The following PIAS1 variants were observed in gnomAD, a reference collection of about 807,000 sequenced individuals.
The protein encoded by PIAS1 is protein inhibitor of activated STAT 1, also known as E3 SUMO-protein ligase PIAS1.
PIAS1 carries 6 observed loss-of-function variants against 71.3 expected under a neutral mutation model. The ratio of observed to expected loss-of-function variants is 0.08; its 90% confidence interval spans 0.05 to 0.17. PIAS1 has a LOEUF of 0.17. PIAS1 is among the 10% of genes least tolerant of loss of function. The pLI is 1.00. For synonymous variants in PIAS1, 303 were observed against 292.9 expected (o/e 1.03, Z -0.35); for missense variants, 555 against 793.6 (o/e 0.70, Z 3.61).
chr15:68,135,192 G>A (rs1390980162), intron 2 of PIAS1, among the ~76,000 whole-genome samples: 1 of 45,928 alleles, frequency 2.2e-5, no homozygotes, highest in African/African-American at 4.7e-5. Flanking sequence ...CGGGCGGGGG[G>A]CTGACCCCCC....
intron 1 of PIAS1, among the ~76,000 whole-genome samples, chr15:68,069,803 CAAAAAAA>C (rs56693841): frequency 2.0e-5 from 2 of 101,468 alleles, no homozygotes; most frequent in Non-Finnish European, 4.0e-5. Flanking sequence ...GACTCCGTCT[CAAAAAAA>C]AAAAAAAAAA....
intron 11 of PIAS1, among the ~76,000 whole-genome samples, chr15:68,180,257 C>T (rs1456245129): frequency 6.6e-6 from 1 of 151,998 alleles, no homozygotes; most frequent in Non-Finnish European, 1.5e-5. Flanking sequence ...TGCCACCAGG[C>T]CTGGCTAAGC....
At chr15:68,142,111 T>G in intron 3 of PIAS1, 81 bp downstream of exon 3, 3 of 1,026,986 alleles carry the variant, frequency 2.9e-6, no homozygotes, top group Non-Finnish European at 4.5e-6. Flanking sequence ...AAACAGTGAT[T>G]GGTGAGTTAG....
chr15:68,121,558 T>G lies in PIAS1; in HGVS notation c.470-20388T>G, dbSNP rs567931427. Reference sequence around the variant, plus strand: ...TTCTCTCTTCTCTTGCTTTTTCTTCTGTATTTCTGGCCACCTCTTATCTTA... The same window carrying G: ...TTCTCTCTTCTCTTGCTTTTTCTTCGGTATTTCTGGCCACCTCTTATCTTA... On this transcript the variant is annotated intron_variant, in intron 2 of 13. Coordinates refer to ENST00000249636, the MANE Select transcript of PIAS1 (RefSeq NM_016166.3). Among the ~76,000 whole-genome samples, 283 of 152,240 alleles carry G rather than the reference T, an allele frequency of 1.9e-3. 2 individuals carry two copies. Among genetic ancestry groups the G allele is most frequent in the African/African-American group, 6.6e-3 (276 of 41,542 alleles).
chr15:68,183,523 T>G (rs980061482), intron 12 of PIAS1, 107 bp from the exon 13 acceptor site: 1 of 594,510 alleles, frequency 1.7e-6, no homozygotes, highest in Non-Finnish European at 3.1e-6. Context: ...AATAAAATTC[T>G]GAGTGACATA....
Position 68,173,262 on chromosome 15 carries a change from G to A in PIAS1, c.1009-470G>A, listed in dbSNP as rs142169935. ...CCCAGCTACTCTGGAGGCTGAGGCA[G>A]GAGGATTGCTTGAGCCCAGGAGTTT... On this transcript the variant is annotated intron_variant, in intron 8 of 13. Transcript: ENST00000249636. The surrounding 1 kb of genome is among the most constrained non-coding windows in gnomAD (Gnocchi z 4.3). Among the ~76,000 whole-genome samples the A allele has an allele frequency of 6.6e-6, 1 of 152,204 alleles. No individual in the cohort carries two copies. The highest frequency in any genetic ancestry group is 2.4e-5 in the African/African-American group (1 of 41,534).
chr15:68,069,173 C>T lies in PIAS1; in HGVS notation c.24+14823C>T, dbSNP rs549626407. Among the ~76,000 whole-genome samples, 5 of 152,158 alleles carry T rather than the reference C, an allele frequency of 3.3e-5. No individual in the cohort carries two copies. The South Asian group carries it at 8.3e-4, about 25-fold the overall frequency. Reference sequence around the variant, plus strand: ...CCTCCCAAAGTGCTGGGATTACAGGCGTGAGCCACCGCACCCGGCCTTGTC... The same window carrying T: ...CCTCCCAAAGTGCTGGGATTACAGGTGTGAGCCACCGCACCCGGCCTTGTC... On this transcript the variant is annotated intron_variant, in intron 1 of 13. Coordinates refer to ENST00000249636, the MANE Select transcript of PIAS1 (RefSeq NM_016166.3).
intron 7 of PIAS1, among the ~76,000 whole-genome samples, chr15:68,160,961 A>T (rs2092920222): frequency 6.6e-6 from 1 of 152,190 alleles, no homozygotes; most frequent in African/African-American, 2.4e-5. Flanking sequence ...AAGACAAGGA[A>T]AAGTTTTAAA....
At position 68,095,460 on chromosome 15, in the gene PIAS1, T is replaced by C. The variant is rs148994407; in HGVS notation, c.469+8710T>C. On this transcript the variant is annotated intron_variant, in intron 2 of 13. Coordinates refer to ENST00000249636, the MANE Select transcript of PIAS1 (RefSeq NM_016166.3). ...TCTAATTTTGGCGATCATTTCTTTCTTTCTTTTAAAAAAAAGACGTTTTGT... is the reference window on the plus strand; with the variant it reads ...TCTAATTTTGGCGATCATTTCTTTCCTTCTTTTAAAAAAAAGACGTTTTGT... 3.1e-4 allele frequency among the ~76,000 whole-genome samples: 47 copies of C among 152,192 alleles called. 2 individuals are homozygous for C. The highest frequency in any genetic ancestry group is 2.5e-3 in the Admixed American group (38 of 15,286).
intron 2 of PIAS1, among the ~76,000 whole-genome samples, chr15:68,141,273 G>T (rs1270449661): frequency 6.6e-6 from 1 of 152,110 alleles, no homozygotes; most frequent in East Asian, 1.9e-4. Flanking sequence ...CCCTGGTCTA[G>T]TCTGACTGTG....
chr15:68,183,602 T>A lies in PIAS1; in HGVS notation c.1625-28T>A, dbSNP rs2093069735. ...GAAGAGTTTTTCCTTCTTTTTTTTTTAAACTGAAATAATTTTTTCTTCCAC... is the reference window on the plus strand; with the variant it reads ...GAAGAGTTTTTCCTTCTTTTTTTTTAAAACTGAAATAATTTTTTCTTCCAC... On this transcript the variant is annotated intron_variant, in intron 12 of 13. Transcript: ENST00000249636. 4.2e-6 allele frequency: 4 copies of A among 948,188 alleles called. No individual in the cohort carries two copies. The highest frequency in any genetic ancestry group is 4.9e-6 in the Non-Finnish European group (3 of 616,108). The allele number at this position is 948,188 out of a possible 1,614,324, so 58.7% of individuals were successfully genotyped here.
chr15:68,150,720 T>G (rs1386798845), intron 6 of PIAS1, among the ~76,000 whole-genome samples: 1 of 152,208 alleles, frequency 6.6e-6, no homozygotes, highest in Non-Finnish European at 1.5e-5. Context: ...GTAGGTTGAG[T>G]ATTCCTAATC....
intron 1 of PIAS1, among the ~76,000 whole-genome samples, chr15:68,062,727 G>T (rs1295338470): frequency 6.6e-6 from 1 of 152,176 alleles, no homozygotes; most frequent in East Asian, 1.9e-4. Context: ...GTGTGTGTAT[G>T]TCTAGATGAG....
chr15:68,103,207 G>A (rs528662115), intron 2 of PIAS1, among the ~76,000 whole-genome samples: 1 of 152,212 alleles, frequency 6.6e-6, no homozygotes, highest in African/African-American at 2.4e-5. Flanking sequence ...GATTACAGGT[G>A]TGAGCCACTC....
At chr15:68,075,691 T>A (rs2092155332) in intron 1 of PIAS1, among the ~76,000 whole-genome samples, 1 of 152,174 alleles carries the variant, frequency 6.6e-6, no homozygotes, top group Non-Finnish European at 1.5e-5. Flanking sequence ...TTAGGCAAGC[T>A]GTCATTGCAA....
chr15:68,172,727 T>G (rs2092999257), intron 8 of PIAS1, among the ~76,000 whole-genome samples: 1 of 152,236 alleles, frequency 6.6e-6, no homozygotes, highest in African/African-American at 2.4e-5. Context: ...GGGAATGAGA[T>G]AGTGATGTGG....
At chr15:68,081,947 A>G (rs2092233477) in intron 1 of PIAS1, among the ~76,000 whole-genome samples, 1 of 151,808 alleles carries the variant, frequency 6.6e-6, no homozygotes, top group Non-Finnish European at 1.5e-5. Flanking sequence ...ACATTGTAAA[A>G]TTTCAGAACA....
chr15:68,165,033 A>G (rs767770737), intron 8 of PIAS1, among the ~76,000 whole-genome samples: 19 of 152,184 alleles, frequency 1.2e-4, no homozygotes, highest in Non-Finnish European at 2.4e-4. Flanking sequence ...GTGATTAATG[A>G]CCATCTCTCA....
intron 4 of PIAS1, among the ~76,000 whole-genome samples, chr15:68,145,147 C>T (rs952374468): frequency 6.6e-6 from 1 of 151,996 alleles, no homozygotes; most frequent in African/African-American, 2.4e-5. Flanking sequence ...TTGATTTTTC[C>T]AAAAGACTGC....
Sources: gnomAD v4.1 joint callset for allele counts (sites outside exome capture counted in the v4.1 genomes callset) on GRCh38, gnomAD v4.1.1 for gene constraint, Gnocchi (gnomAD v3.1) non-coding constraint, MANE v1.5 for transcripts, NCBI Gene and HGNC (gene_info 2026-07-23, HGNC 2026-07-21) for gene names.